Variants in PCCB observed in about 807,000 individuals in gnomAD.
PCCB encodes the protein propionyl-CoA carboxylase subunit beta, also known as propionyl-CoA carboxylase beta chain, mitochondrial.
PCCB carries 43 observed loss-of-function variants against 60.7 expected under a neutral mutation model. That is an observed-to-expected ratio of 0.71 (90% CI 0.55 to 0.91). The LOEUF is 0.91. Among genes scored for constraint, PCCB ranks in the 40% least tolerant of loss-of-function variants. The pLI, the probability that PCCB is intolerant of heterozygous loss-of-function variation, is 0.00. For synonymous variants in PCCB, 276 were observed against 255.9 expected (o/e 1.08, Z -0.75); for missense variants, 766 against 702.8 (o/e 1.09, Z -1.02).
rs999783869 is a variant in PCCB at position 136,253,399 on chromosome 3, T to C, written c.184-2457T>C. Among the ~76,000 whole-genome samples the C allele has an allele frequency of 4.6e-4, 70 of 151,932 alleles. 1 individual carries two copies. Among genetic ancestry groups the C allele is most frequent in the African/African-American group, 1.5e-3 (63 of 41,406 alleles). On this transcript the variant is annotated intron_variant, in intron 1 of 14. Coordinates refer to ENST00000251654, the MANE Select transcript of PCCB (RefSeq NM_000532.5). ...CCACTGCACATGGCCTCTTTTTTTT[T>C]CTTAAGACAGGGTCTCACCTTGTTG...
At chr3:136,254,768 A>G (rs1290766767) in intron 1 of PCCB, among the ~76,000 whole-genome samples, 1 of 146,806 alleles carries the variant, frequency 6.8e-6, no homozygotes, top group Non-Finnish European at 1.5e-5. Context: ...CCTGGGCTCA[A>G]GCGATGCTCG....
chr3:136,283,109 A>G (rs1942523066), intron 5 of PCCB, among the ~76,000 whole-genome samples: 1 of 152,210 alleles, frequency 6.6e-6, no homozygotes, highest in Non-Finnish European at 1.5e-5. Context: ...GAGCCAAGGC[A>G]GGCTGAAAAG....
In PCCB at chr3:136,250,507, G is replaced by C; in HGVS notation, c.132G>C (p.Arg44=). ...ACGAACGCATCGAAAACAAGCGCCGGACCGCGCTGCTGGGAGGGGGCCAAC... is the reference window on the plus strand; with the variant it reads ...ACGAACGCATCGAAAACAAGCGCCGCACCGCGCTGCTGGGAGGGGGCCAAC... The part of the protein sequence containing the change: ...SVNERIENKR[R]TALLGGGQRR... The change falls in exon 1 of 15, where the codon CGG becomes CGC. Residue 44 remains arginine, a synonymous_variant. Transcript: ENST00000251654. 1 of 1,613,066 alleles carries C rather than the reference G, an allele frequency of 6.2e-7. No homozygotes were observed. Among genetic ancestry groups the C allele is most frequent in the East Asian group, 2.2e-5 (1 of 44,876 alleles).
At chr3:136,256,117 A>G in intron 2 of PCCB, 142 bp downstream of exon 2, 1 of 1,270,996 alleles carries the variant, frequency 7.9e-7, no homozygotes, top group Non-Finnish European at 1.1e-6. Context: ...TAATTTTTGT[A>G]TTTTTAGTAG....
At chr3:136,322,349 G>A (rs182459921) in intron 10 of PCCB, among the ~76,000 whole-genome samples, 14 of 152,146 alleles carry the variant, frequency 9.2e-5, no homozygotes, top group Non-Finnish European at 1.6e-4. Context: ...CTGCATTGTT[G>A]GATTTGATCT....
chr3:136,279,857 G>A (rs1477885659), intron 5 of PCCB, among the ~76,000 whole-genome samples: 2 of 151,864 alleles, frequency 1.3e-5, no homozygotes, highest in African/African-American at 2.4e-5. Flanking sequence ...TAGTAGAGAC[G>A]GGGTTTCACC....
chr3:136,256,817 G>C (rs1941682457), intron 3 of PCCB, among the ~76,000 whole-genome samples, 194 bp downstream of exon 3: 1 of 152,044 alleles, frequency 6.6e-6, no homozygotes, highest in Non-Finnish European at 1.5e-5. Flanking sequence ...AGTCTGTTTT[G>C]GGGGGGATCA....
At chr3:136,281,634 G>A (rs1490743019) in intron 5 of PCCB, among the ~76,000 whole-genome samples, 1 of 151,770 alleles carries the variant, frequency 6.6e-6, no homozygotes, top group Non-Finnish European at 1.5e-5. Flanking sequence ...GATGATTTTT[G>A]TTAAATTATT....
At chr3:136,269,970 A>T (rs1409693601) in intron 5 of PCCB, among the ~76,000 whole-genome samples, 3 of 149,838 alleles carry the variant, frequency 2.0e-5, no homozygotes, top group Non-Finnish European at 4.4e-5. Flanking sequence ...CTTCACCATT[A>T]AGCATGATGT....
At chr3:136,317,181 G>GA (rs1934929956) in intron 10 of PCCB, 117 bp downstream of exon 10, 5 of 707,976 alleles carry the variant, frequency 7.1e-6, no homozygotes, top group Admixed American at 5.6e-5. Context: ...ATGACCAGAG[G>GA]AAAAAATCTA....
intron 5 of PCCB, among the ~76,000 whole-genome samples, chr3:136,279,246 C>T (rs918479944): frequency 2.0e-5 from 3 of 152,112 alleles, no homozygotes; most frequent in Admixed American, 1.3e-4. Flanking sequence ...ATCTGTCAAT[C>T]CCTGTCTTTT....
intron 6 of PCCB, among the ~76,000 whole-genome samples, chr3:136,287,493 A>G (rs940302303): frequency 6.6e-5 from 10 of 151,784 alleles, no homozygotes; most frequent in African/African-American, 2.2e-4. Flanking sequence ...GTGCAGTGAC[A>G]TGGATCTCAC....
intron 10 of PCCB, among the ~76,000 whole-genome samples, chr3:136,322,854 G>A (rs955347916): frequency 6.6e-6 from 1 of 152,076 alleles, no homozygotes; most frequent in African/African-American, 2.4e-5. Context: ...CATTTTTGAA[G>A]GACAGTTTGC....
chr3:136,255,509 C>A, intron 1 of PCCB: 1 of 325,706 alleles, frequency 3.1e-6, no homozygotes, highest in Admixed American at 4.5e-5. Flanking sequence ...CTTCTGCATT[C>A]TTTTTATGGC....
chr3:136,266,033 G>C (rs796455445), intron 5 of PCCB, among the ~76,000 whole-genome samples: 4 of 152,026 alleles, frequency 2.6e-5, no homozygotes, highest in African/African-American at 9.6e-5. Context: ...CACCATGTTA[G>C]CTAGGATGGT....
At chr3:136,256,801 G>A (rs1941681998) in intron 3 of PCCB, among the ~76,000 whole-genome samples, 178 bp downstream of exon 3, 1 of 152,194 alleles carries the variant, frequency 6.6e-6, no homozygotes, top group African/African-American at 2.4e-5. Context: ...CTTAGGAAGA[G>A]TCCTTAGTCT....
intron 8 of PCCB, among the ~76,000 whole-genome samples, 194 bp downstream of exon 8, chr3:136,298,266 C>G (rs978276810): frequency 6.6e-6 from 1 of 152,086 alleles, no homozygotes; most frequent in African/African-American, 2.4e-5. Context: ...TTTTTCCTCT[C>G]TGTAATATCT....
chr3:136,260,367 C>T lies in PCCB; in HGVS notation c.373-112C>T, dbSNP rs569313430. 5.4e-5 allele frequency: 47 copies of T among 872,492 alleles called. No homozygotes were observed. In the South Asian group the frequency reaches 6.6e-4, roughly 12 times the overall value. The allele number at this position is 872,492 out of a possible 1,614,324, so 54.0% of individuals were successfully genotyped here. ...TGTTGGGATTACAGGCATGAGCCAC[C>T]ACGCCTGGCCTAAAAACTTTTATCT... On this transcript the variant is annotated intron_variant, in intron 3 of 14. Coordinates refer to ENST00000251654, the MANE Select transcript of PCCB (RefSeq NM_000532.5).
intron 5 of PCCB, among the ~76,000 whole-genome samples, chr3:136,264,951 T>G (rs1194114680): frequency 6.6e-6 from 1 of 150,770 alleles, no homozygotes; most frequent in Non-Finnish European, 1.5e-5. Context: ...ATCCCAGCAC[T>G]TTGGGAGGCC....
Sources: allele counts gnomAD v4.1 joint callset (sites outside exome capture counted in the v4.1 genomes callset), GRCh38; gene constraint gnomAD v4.1.1; transcripts MANE v1.5; gene names NCBI Gene and HGNC (gene_info 2026-07-23, HGNC 2026-07-21).